Variants in TRIQK observed in about 807,000 individuals in gnomAD.
The protein encoded by TRIQK is triple QxxK/R motif-containing protein.
TRIQK carries 10 observed loss-of-function variants against 10.8 expected under a neutral mutation model. The ratio of observed to expected loss-of-function variants is 0.92; its 90% CI spans 0.57 to 1.57. TRIQK has a LOEUF of 1.57. TRIQK is among the 40% of genes most tolerant of loss of function. TRIQK has a pLI of 0.00. For missense variants in TRIQK, 107 were observed against 97.7 expected (o/e 1.09, Z -0.40); for synonymous variants, 33 against 33.7 (o/e 0.98, Z 0.07).
At chr8:92,897,411 A>G (rs1480288389) in intron 3 of TRIQK, among the ~76,000 whole-genome samples, 3 of 152,218 alleles carry the variant, frequency 2.0e-5, no homozygotes, top group Non-Finnish European at 4.4e-5. Flanking sequence ...TTAATCTCCA[A>G]TTCAACAACA....
At chr8:92,964,608 T>TA (rs796959876) in intron 1 of TRIQK, among the ~76,000 whole-genome samples, 14,088 of 138,302 alleles carry the variant, frequency 0.1, 1,528 homozygotes, top group African/African-American at 0.27. Context: ...ACCCTAAGAT[T>TA]AAAAAAAAAA....
intron 2 of TRIQK, among the ~76,000 whole-genome samples, chr8:92,947,226 T>C (rs1456981855): frequency 6.6e-6 from 1 of 151,372 alleles, no homozygotes; most frequent in Non-Finnish European, 1.5e-5. Flanking sequence ...AAATCCTTCC[T>C]ATGCCTCTCT....
At chr8:92,942,628 T>G (rs1454213518) in intron 2 of TRIQK, among the ~76,000 whole-genome samples, 1 of 152,204 alleles carries the variant, frequency 6.6e-6, no homozygotes, top group East Asian at 1.9e-4. Context: ...GTCATTATCT[T>G]ACATGGAGAA....
intron 2 of TRIQK, among the ~76,000 whole-genome samples, chr8:92,949,963 T>C (rs937225081): frequency 3.3e-5 from 5 of 152,096 alleles, no homozygotes; most frequent in Non-Finnish European, 7.4e-5. Context: ...TATTTAAGAT[T>C]CTTAGGATAT....
intron 1 of TRIQK, among the ~76,000 whole-genome samples, chr8:93,003,696 G>A (rs1011455218): frequency 1.3e-5 from 2 of 152,238 alleles, no homozygotes; most frequent in African/African-American, 4.8e-5. Flanking sequence ...CCACCTATGA[G>A]CCTGTAAAAT....
At chr8:93,013,779 A>G (rs1034968322) in intron 1 of TRIQK, among the ~76,000 whole-genome samples, 14 of 152,182 alleles carry the variant, frequency 9.2e-5, no homozygotes, top group African/African-American at 2.9e-4. Context: ...TTAAATAATA[A>G]TAATTGCTAG....
At chr8:92,898,842 T>C (rs1808758986) in intron 3 of TRIQK, among the ~76,000 whole-genome samples, 2 of 118,828 alleles carry the variant, frequency 1.7e-5, no homozygotes, top group South Asian at 2.9e-4. Context: ...TGTATATATA[T>C]ATATATATAT....
upstream of TRIQK, chr8:92,966,255 C>CT (rs1812746677): frequency 6.6e-6 from 1 of 152,270 alleles, no homozygotes; most frequent in Non-Finnish European, 1.5e-5. Context: ...GCCCTGAGGC[C>CT]TTTCCCTCAT....
chr8:92,892,930 C>T (rs535576527), intron 3 of TRIQK, among the ~76,000 whole-genome samples: 1 of 152,014 alleles, frequency 6.6e-6, no homozygotes, highest in African/African-American at 2.4e-5. Context: ...TCAAAATGAG[C>T]CTCAAACATA....
chr8:92,929,674 TA>T (rs1405130446), intron 2 of TRIQK: 2 of 152,180 alleles, frequency 1.3e-5, no homozygotes, highest in Non-Finnish European at 2.9e-5. Flanking sequence ...ATTATATTTT[TA>T]AATTCTAAAC....
intron 2 of TRIQK, among the ~76,000 whole-genome samples, chr8:92,948,355 A>G (rs530191554): frequency 9.2e-5 from 14 of 152,330 alleles, no homozygotes; most frequent in African/African-American, 2.6e-4. Context: ...TCGCCACAGT[A>G]ATGGTTAACA....
chr8:92,981,204 C>T (rs1174670271), intron 1 of TRIQK, among the ~76,000 whole-genome samples: 3 of 151,472 alleles, frequency 2.0e-5, no homozygotes, highest in Admixed American at 1.3e-4. Flanking sequence ...TCGTGCAATA[C>T]GTTCAGTGAA....
At chr8:92,894,546 C>A (rs768472927) in intron 3 of TRIQK, among the ~76,000 whole-genome samples, 1 of 151,806 alleles carries the variant, frequency 6.6e-6, no homozygotes, top group Non-Finnish European at 1.5e-5. Context: ...GATGCAATAA[C>A]CAAAGTAGCT....
chr8:92,938,483 T>C (rs1811107979), intron 2 of TRIQK, among the ~76,000 whole-genome samples: 1 of 152,162 alleles, frequency 6.6e-6, no homozygotes, highest in Non-Finnish European at 1.5e-5. Context: ...TCTGTGTGTC[T>C]ACTATTATAC....
rs544378549 is a variant in TRIQK, at chr8:92,959,449, T to C, written c.-180-4885A>G. Among the ~76,000 whole-genome samples the C allele has an allele frequency of 1.7e-3, 260 of 150,434 alleles. 2 individuals carry two copies. The highest frequency in any genetic ancestry group is 6.0e-3 in the African/African-American group (246 of 41,034). Reference sequence around the variant, plus strand: ...CTATATTTAACAAAACTATTTAAAGTCTGGGGTATACCATCAGTTATATAT... The same window carrying C: ...CTATATTTAACAAAACTATTTAAAGCCTGGGGTATACCATCAGTTATATAT... On this transcript the variant is annotated intron_variant, in intron 1 of 4. Transcript: ENST00000521988.
chr8:92,918,554 C>A (rs1809990064), intron 2 of TRIQK, among the ~76,000 whole-genome samples: 1 of 151,914 alleles, frequency 6.6e-6, no homozygotes, highest in Non-Finnish European at 1.5e-5. Flanking sequence ...ATCTTTTGCC[C>A]ATTTTTAATT....
At chr8:93,002,539 T>C (rs771265966) in intron 1 of TRIQK, among the ~76,000 whole-genome samples, 9 of 152,126 alleles carry the variant, frequency 5.9e-5, no homozygotes, top group Non-Finnish European at 1.2e-4. Flanking sequence ...CACATACATC[T>C]ACCAAGATAG....
rs1236585886 is a variant in TRIQK at position 92,886,674 on chromosome 8, TAAAAG to T, written c.204_208del (p.Phe68LeufsTer9). On this transcript the variant is annotated frameshift_variant, in exon 5 of 5. Coordinates refer to ENST00000521988, the MANE Select transcript of TRIQK (RefSeq NM_001171797.2). LOFTEE classifies it high-confidence loss of function. Reference sequence around the variant, plus strand: ...GTCAACATCCGTGGTGAGTCTGAGATAAAAGAAAGCATAGAAAGCCAGTAGTAGTG... The same window carrying T: ...GTCAACATCCGTGGTGAGTCTGAGATAAAGCATAGAAAGCCAGTAGTAGTG... 3 of 1,531,756 alleles carry T rather than the reference TAAAAG, an allele frequency of 2.0e-6. No homozygotes were observed. The highest frequency in any genetic ancestry group is 2.6e-6 in the Non-Finnish European group (3 of 1,143,380). 94.9% of individuals were successfully genotyped at this position (1,531,756 alleles called of 1,614,324 possible). A position where few individuals can be genotyped will look rare whatever the true frequency, so the allele number is the denominator to read the frequency against.
At chr8:92,927,017 C>G (rs1347901518) in intron 2 of TRIQK, among the ~76,000 whole-genome samples, 1 of 152,084 alleles carries the variant, frequency 6.6e-6, no homozygotes, top group Admixed American at 6.6e-5. Flanking sequence ...TGCCACTGCA[C>G]TCCAGCTTGG....
Sources: allele counts gnomAD v4.1 joint callset (sites outside exome capture counted in the v4.1 genomes callset), GRCh38; gene constraint gnomAD v4.1.1; transcripts MANE v1.5; gene names NCBI Gene and HGNC (gene_info 2026-07-23, HGNC 2026-07-21).